DMXL1: variants seen among roughly 807,000 people sequenced by gnomAD.
DMXL1 encodes dmX-like protein 1.
Under a neutral mutation model 319.2 loss-of-function variants are expected in DMXL1, and 99 were observed. The observed-to-expected ratio is 0.31, with a 90% CI of 0.26 to 0.37. The LOEUF (loss-of-function observed/expected upper bound fraction) is 0.37, where lower values mean the gene tolerates loss of function less well. Among genes scored for constraint, DMXL1 ranks in the 10% least tolerant of loss-of-function variants. The pLI, the probability that DMXL1 is intolerant of heterozygous loss-of-function variation, is 1.00. For missense variants in DMXL1, 3,745 were observed against 3,595.6 expected, an observed-to-expected ratio of 1.04 and a Z score of -1.06; for synonymous variants, 1,385 against 1,235.2, an observed-to-expected ratio of 1.12 and a Z score of -2.54.
chr5:119,181,348 C>T (rs1279409800), intron 28 of DMXL1, among the ~76,000 whole-genome samples: 1 of 152,100 alleles, frequency 6.6e-6, no homozygotes, highest in East Asian at 1.9e-4. Context: ...TTATATGGTG[C>T]TCATCTGTCC....
rs757455940 is a variant in DMXL1 at position 119,233,317 on chromosome 5, A to G, written c.8339-23A>G. The G allele has an allele frequency of 3.1e-6, 5 of 1,593,846 alleles. No homozygotes were observed. In the East Asian group the frequency reaches 9.0e-5, roughly 29 times the overall value. ...CAAAGATTCTTGAAATAAATCTGCA[A>G]TTTTTGCCCTCTTGTAATGCAGATC... On this transcript the variant is annotated intron_variant, in intron 38 of 43. Transcript: ENST00000539542.
At chr5:119,215,686 C>T (rs1307459947) in intron 34 of DMXL1, among the ~76,000 whole-genome samples, 5 of 152,002 alleles carry the variant, frequency 3.3e-5, no homozygotes, top group Admixed American at 6.6e-5. Context: ...GGTCAATGGC[C>T]GGGCATTGGT....
At chr5:119,116,006 C>T (rs1760759270) in intron 6 of DMXL1, 152 bp from the exon 7 acceptor site, 1 of 663,696 alleles carries the variant, frequency 1.5e-6, no homozygotes, top group Non-Finnish European at 2.5e-6. Context: ...TAGAAAAGTG[C>T]CAGAATCAGA....
Position 119,210,757 on chromosome 5 carries a change from G to GTTTT in DMXL1, c.7926+3877_7926+3880dup. On this transcript the variant is annotated intron_variant, in intron 34 of 43. Coordinates refer to ENST00000539542, the MANE Select transcript of DMXL1 (RefSeq NM_001290321.3). ...TAAGTTCTTTTTTCTTTTTTCTTTC[G>GTTTT]TTTTTTTTTTTTTTTTTTTGCCTTA... is the stretch of plus-strand genomic sequence containing the variant. Among the ~76,000 whole-genome samples the GTTTT allele has an allele frequency of 3.5e-3, 311 of 89,752 alleles. 13 individuals are homozygous for GTTTT. Among genetic ancestry groups the GTTTT allele is most frequent in the African/African-American group, 0.012 (284 of 24,420 alleles). The allele number at this position is 89,752 out of a possible 152,430, so 58.9% of individuals were successfully genotyped here.
chr5:119,227,823 C>G (rs1377049558), intron 38 of DMXL1, among the ~76,000 whole-genome samples: 1 of 152,086 alleles, frequency 6.6e-6, no homozygotes, highest in Non-Finnish European at 1.5e-5. Flanking sequence ...AGAACAGATT[C>G]TTACTGAACT....
At chr5:119,131,043 A>G (rs1432045464) in intron 10 of DMXL1, among the ~76,000 whole-genome samples, 1 of 150,480 alleles carries the variant, frequency 6.6e-6, no homozygotes, top group African/African-American at 2.4e-5. Context: ...GACAATGGAC[A>G]TCTTGTTTTA....
chr5:119,229,444 T>C (rs942041944), intron 38 of DMXL1, among the ~76,000 whole-genome samples: 12 of 152,232 alleles, frequency 7.9e-5, no homozygotes, highest in African/African-American at 1.7e-4. Flanking sequence ...TAATAACATA[T>C]ATAAATACAC....
At chr5:119,110,073 T>C (rs1409518991) in intron 4 of DMXL1, 78 bp from the exon 5 acceptor site, 4 of 1,328,738 alleles carry the variant, frequency 3.0e-6, no homozygotes, top group Non-Finnish European at 4.1e-6. Context: ...GAAGTTGTTT[T>C]ATATGAAATT....
chr5:119,174,738 C>G (rs1362342374), intron 25 of DMXL1, among the ~76,000 whole-genome samples: 1 of 152,234 alleles, frequency 6.6e-6, no homozygotes, highest in Non-Finnish European at 1.5e-5. Context: ...AAACAAATGC[C>G]TGACTCCACT....
intron 2 of DMXL1, chr5:119,100,770 C>CTTTTTTTTTTTTT (rs397999092): frequency 8.0e-5 from 5 of 62,670 alleles, no homozygotes; most frequent in African/African-American, 3.0e-4. Context: ...CATCTGTTTT[C>CTTTTTTTTTTTTT]TTTTTTTTTT....
chr5:119,166,547 T>C lies in DMXL1; in HGVS notation c.4971-69T>C, dbSNP rs1195735586. The stretch of plus-strand genomic sequence containing the variant: ...TTTAGACTTAGCCAAATCTTAACTT[T>C]AGAAAATTGATTCTGATGTAAAGAA... On this transcript the variant is annotated intron_variant, in intron 21 of 43. Coordinates refer to ENST00000539542, the MANE Select transcript of DMXL1 (RefSeq NM_001290321.3). 11 of 1,404,946 alleles carry C rather than the reference T, an allele frequency of 7.8e-6. No individual in the cohort carries two copies. The East Asian group carries it at 1.4e-4, about 18-fold the overall frequency. 87.0% of individuals were successfully genotyped at this position (1,404,946 alleles called of 1,614,324 possible). A position where few individuals can be genotyped will look rare whatever the true frequency, so the allele number is the denominator to read the frequency against.
At chr5:119,180,400 A>T (rs1444276681) in intron 28 of DMXL1, among the ~76,000 whole-genome samples, 1 of 152,124 alleles carries the variant, frequency 6.6e-6, no homozygotes, top group Non-Finnish European at 1.5e-5. Flanking sequence ...TGACTTCTCC[A>T]GAAACCTGAT....
chr5:119,239,880 C>A (rs1224464582), intron 41 of DMXL1, among the ~76,000 whole-genome samples: 1 of 150,120 alleles, frequency 6.7e-6, no homozygotes, highest in African/African-American at 2.4e-5. Flanking sequence ...TCGCTTGAAC[C>A]TGGGAGGCAG....
At chr5:119,098,673 T>C (rs535031423) in intron 2 of DMXL1, among the ~76,000 whole-genome samples, 1 of 152,178 alleles carries the variant, frequency 6.6e-6, no homozygotes. Flanking sequence ...TAACAAAGTA[T>C]AAAATTCTTC....
Position 119,162,630 on chromosome 5 carries a change from G to T in DMXL1, c.4703-1877G>T, listed in dbSNP as rs558239582. Among the ~76,000 whole-genome samples the T allele has an allele frequency of 2.2e-3, 336 of 152,244 alleles. 1 individual carries two copies. The highest frequency in any genetic ancestry group is 3.5e-3 in the Admixed American group (53 of 15,292). ...CTCTGCCTGTTAATGCTGTTACATT[G>T]CAGGTTAAGTTTCAACATGAAATCT... On this transcript the variant is annotated intron_variant, in intron 19 of 43. Coordinates refer to ENST00000539542, the MANE Select transcript of DMXL1 (RefSeq NM_001290321.3).
intron 13 of DMXL1, among the ~76,000 whole-genome samples, chr5:119,138,105 A>G (rs1179987487): frequency 6.6e-6 from 1 of 152,246 alleles, no homozygotes; most frequent in Non-Finnish European, 1.5e-5. Context: ...AGACCAATTT[A>G]GGAACCAATT....
chr5:119,245,601 A>C (rs2150766743), intron 43 of DMXL1, among the ~76,000 whole-genome samples: 1 of 147,552 alleles, frequency 6.8e-6, no homozygotes, highest in African/African-American at 2.5e-5. Flanking sequence ...GCACAGTGGC[A>C]CGATCTCGGC....
In DMXL1 at chr5:119,175,272, G is replaced by A. The variant is rs1775582873; in HGVS notation, c.6693G>A (p.Met2231Ile). Residue 2231 changes from methionine to isoleucine, a missense_variant, in exon 26 of 44, where the codon ATG (methionine) becomes ATA (isoleucine). By Grantham distance (10) the Met-to-Ile change is conservative. This residue lies in a region of DMXL1 where 1,382 missense variants were observed against 1,269.5 expected (regional missense o/e 1.09). Coordinates refer to ENST00000539542, the MANE Select transcript of DMXL1 (RefSeq NM_001290321.3). ...TTTTTGTTTTCCAGGTGTATGTAAT[G>A]CATACTTTAGCAGCTTCACTTTCTG... ...PDIQSNKVYV[M>I]HTLAASLSAC... 1 of 1,608,236 alleles carries A rather than the reference G, an allele frequency of 6.2e-7. No individual in the cohort carries two copies. The highest frequency in any genetic ancestry group is 2.2e-5 in the East Asian group (1 of 44,494).
intron 14 of DMXL1, 76 bp from the exon 15 acceptor site, chr5:119,144,460 G>C: frequency 9.6e-7 from 1 of 1,042,662 alleles, no homozygotes; most frequent in Non-Finnish European, 1.4e-6. Flanking sequence ...TCATTATGAA[G>C]TATTATTTTT....
Sources: allele counts gnomAD v4.1 joint callset (sites outside exome capture counted in the v4.1 genomes callset), GRCh38; gene constraint gnomAD v4.1.1; regional missense constraint gnomAD v4.1.1; transcripts MANE v1.5; gene names NCBI Gene and HGNC (gene_info 2026-07-23, HGNC 2026-07-21).